DIAPH3: variants seen among roughly 807,000 people sequenced by gnomAD.
DIAPH3 encodes the protein diaphanous related formin 3, also known as protein diaphanous homolog 3.
A neutral mutation model predicts 144.3 loss-of-function variants in DIAPH3; 117 were observed. The ratio of observed to expected loss-of-function variants is 0.81; its 90% CI spans 0.70 to 0.95. The LOEUF is 0.95. Ranked by LOEUF, DIAPH3 falls within the 40% of genes least tolerant of loss-of-function variation. The pLI, the probability that DIAPH3 is intolerant of heterozygous loss-of-function variation, is 0.00. For synonymous variants in DIAPH3, 519 were observed against 488.9 expected (o/e 1.06, Z -0.81); for missense variants, 1,421 against 1,412.7 (o/e 1.01, Z -0.09).
intron 24 of DIAPH3, among the ~76,000 whole-genome samples, chr13:59,830,676 C>T (rs2041726418): frequency 6.6e-6 from 1 of 151,738 alleles, no homozygotes; most frequent in African/African-American, 2.4e-5. Flanking sequence ...CCTTTTAGAT[C>T]TATTTACCTC....
intron 22 of DIAPH3, among the ~76,000 whole-genome samples, chr13:59,851,519 T>C (rs1311344598): frequency 6.6e-6 from 1 of 152,208 alleles, no homozygotes; most frequent in East Asian, 1.9e-4. Context: ...GTTCTATATC[T>C]GCCACCTAAA....
chr13:59,917,343 A>G (rs1186920156), intron 18 of DIAPH3, among the ~76,000 whole-genome samples: 1 of 152,152 alleles, frequency 6.6e-6, no homozygotes, highest in Non-Finnish European at 1.5e-5. Flanking sequence ...TCTGATATCA[A>G]AGGATGACTA....
In DIAPH3 at chr13:59,911,672, AAC is replaced by A. The variant is rs576902243; in HGVS notation, c.2367+61_2367+62del. On this transcript the variant is annotated intron_variant, in intron 20 of 27. Transcript: ENST00000400324. ...GCTTTTTTACATTTAGCGATATAAA[AAC>A]AGTTGACAGGTTCTCTTGTTTGGCA... 1.1e-4 allele frequency: 133 copies of A among 1,214,138 alleles called. 1 individual carries two copies. The South Asian group carries it at 1.6e-3, about 14-fold the overall frequency. 75.2% of individuals were successfully genotyped at this position (1,214,138 alleles called of 1,614,324 possible).
intron 25 of DIAPH3, among the ~76,000 whole-genome samples, chr13:59,780,249 G>A (rs2038665728): frequency 6.6e-6 from 1 of 152,152 alleles, no homozygotes; most frequent in African/African-American, 2.4e-5. Flanking sequence ...CAGCTTCCTA[G>A]TGAATGATGA....
At chr13:59,671,399 A>C (rs1234501085) in intron 27 of DIAPH3, among the ~76,000 whole-genome samples, 1 of 152,224 alleles carries the variant, frequency 6.6e-6, no homozygotes, top group Non-Finnish European at 1.5e-5. Context: ...CACCATACAC[A>C]CTTTTAAATG....
At chr13:59,747,385 G>A (rs757061985) in intron 27 of DIAPH3, among the ~76,000 whole-genome samples, 8 of 152,122 alleles carry the variant, frequency 5.3e-5, no homozygotes, top group Non-Finnish European at 1.0e-4. Flanking sequence ...GTTTACACCC[G>A]TATGTTGCTA....
intron 27 of DIAPH3, 64 bp downstream of exon 27, chr13:59,774,125 A>G: frequency 6.6e-7 from 1 of 1,509,188 alleles, no homozygotes; most frequent in South Asian, 1.2e-5. Flanking sequence ...GTCTACTAAA[A>G]TCACAGATCA....
chr13:59,858,044 C>T (rs1032646897), intron 22 of DIAPH3, among the ~76,000 whole-genome samples: 4 of 152,086 alleles, frequency 2.6e-5, no homozygotes, highest in Admixed American at 2.6e-4. Context: ...TTTTGAGATG[C>T]TATGGAAATA....
intron 20 of DIAPH3, among the ~76,000 whole-genome samples, chr13:59,884,455 C>A (rs940906813): frequency 6.6e-6 from 1 of 152,128 alleles, no homozygotes; most frequent in Non-Finnish European, 1.5e-5. Context: ...TTCACTGGTG[C>A]TAAAAAGGTT....
chr13:59,998,579 T>C (rs2052346722), intron 9 of DIAPH3, among the ~76,000 whole-genome samples: 1 of 152,132 alleles, frequency 6.6e-6, no homozygotes, highest in Admixed American at 6.6e-5. Flanking sequence ...ATAGACTTAT[T>C]AGGTAGATTC....
At chr13:59,873,545 C>G (rs188517798) in intron 21 of DIAPH3, among the ~76,000 whole-genome samples, 2 of 152,090 alleles carry the variant, frequency 1.3e-5, no homozygotes, top group African/African-American at 2.4e-5. Flanking sequence ...GAGAAACAGG[C>G]CTTCAACTTA....
chr13:59,839,260 A>G lies in DIAPH3; in HGVS notation c.2862+64T>C, dbSNP rs1566392746. 2.5e-6 allele frequency: 4 copies of G among 1,594,188 alleles called. No individual in the cohort carries two copies. The African/African-American group carries it at 5.4e-5, about 21-fold the overall frequency. ...CTCTGGTTACACAAAGACATCTAAA[A>G]TATTAAATAAATTGTATCTCTAGTT... On this transcript the variant is annotated intron_variant, in intron 23 of 27. Transcript: ENST00000400324.
Position 59,666,624 on chromosome 13 carries a change from G to A in DIAPH3, c.3542C>T (p.Pro1181Leu), listed in dbSNP as rs781283166. The A allele has an allele frequency of 1.2e-6, 2 of 1,613,874 alleles. No individual in the cohort carries two copies. The highest frequency in any genetic ancestry group is 1.3e-5 in the African/African-American group (1 of 74,860). Residue 1181 changes from proline (P) to leucine (L), a missense_variant, in exon 28 of 28, where the codon CCC becomes CTC. Transcript: ENST00000400324. The part of the protein sequence containing the change: ...LGSFSKNESV[P>L]EVEALLARLR... ...TCTTGCCAGCAGGGCTTCAACTTCG[G>A]GAACTGATTCATTTTTAGAAAAAGA...
chr13:59,854,805 A>G (rs1400538923), intron 22 of DIAPH3, among the ~76,000 whole-genome samples: 1 of 152,200 alleles, frequency 6.6e-6, no homozygotes, highest in Non-Finnish European at 1.5e-5. Context: ...AGCTGGCCCA[A>G]AATCTGCAAA....
intron 17 of DIAPH3, among the ~76,000 whole-genome samples, chr13:59,959,567 C>A (rs2049622256): frequency 6.6e-6 from 1 of 152,124 alleles, no homozygotes; most frequent in Non-Finnish European, 1.5e-5. Context: ...GAGATGGAAT[C>A]ATGGAAGCCA....
At chr13:59,987,256 A>G (rs2051460119) in intron 12 of DIAPH3, among the ~76,000 whole-genome samples, 1 of 150,368 alleles carries the variant, frequency 6.7e-6, no homozygotes, top group Non-Finnish European at 1.5e-5. Flanking sequence ...ATTCTCACTC[A>G]TAGGTGGGAA....
At chr13:59,752,454 A>C (rs1484655332) in intron 27 of DIAPH3, among the ~76,000 whole-genome samples, 2 of 150,152 alleles carry the variant, frequency 1.3e-5, no homozygotes, top group Non-Finnish European at 3.0e-5. Context: ...TGCAATCTCG[A>C]CCTCCTAGGC....
At chr13:59,950,871 C>T (rs1257158684) in intron 17 of DIAPH3, among the ~76,000 whole-genome samples, 1 of 151,772 alleles carries the variant, frequency 6.6e-6, no homozygotes, top group Non-Finnish European at 1.5e-5. Context: ...ATAAACACTG[C>T]TAGAAAACAA....
At chr13:59,758,459 CAG>C (rs1463817803) in intron 27 of DIAPH3, among the ~76,000 whole-genome samples, 1 of 152,202 alleles carries the variant, frequency 6.6e-6, no homozygotes, top group African/African-American at 2.4e-5. Context: ...AGTTTATGCT[CAG>C]AGTCAGGACA....
Sources: allele counts gnomAD v4.1 joint callset (sites outside exome capture counted in the v4.1 genomes callset), GRCh38; gene constraint gnomAD v4.1.1; transcripts MANE v1.5; gene names NCBI Gene and HGNC (gene_info 2026-07-23, HGNC 2026-07-21).